The following TAX1BP1 variants were observed in gnomAD, a reference collection of about 807,000 sequenced individuals.
TAX1BP1 encodes tax1-binding protein 1.
TAX1BP1 carries 62 observed loss-of-function variants against 97.7 expected under a neutral mutation model. The observed-to-expected ratio is 0.63, with a 90% CI of 0.52 to 0.78. The LOEUF is 0.78. Ranked by LOEUF, TAX1BP1 falls within the 30% of genes least tolerant of loss-of-function variation. The pLI is 0.00. For missense variants in TAX1BP1, 867 were observed against 916.1 expected (o/e 0.95, Z 0.69); for synonymous variants, 340 against 304.2 (o/e 1.12, Z -1.23).
intron 2 of TAX1BP1, among the ~76,000 whole-genome samples, chr7:27,753,861 G>T (rs1233063538): frequency 6.6e-6 from 1 of 151,642 alleles, no homozygotes; most frequent in African/African-American, 2.4e-5. Context: ...TTGACCTTAG[G>T]TAACTAAAAC....
At chr7:27,788,254 A>G (rs1447496690) in intron 8 of TAX1BP1, among the ~76,000 whole-genome samples, 1 of 152,064 alleles carries the variant, frequency 6.6e-6, no homozygotes, top group Non-Finnish European at 1.5e-5. Flanking sequence ...TGTTGGAGTC[A>G]TATCAAAAGT....
intron 15 of TAX1BP1, among the ~76,000 whole-genome samples, chr7:27,822,546 T>C (rs1410749124): frequency 5.3e-5 from 6 of 113,382 alleles, no homozygotes; most frequent in Admixed American, 4.9e-4. Context: ...CACTTGTTAC[T>C]GTCTTTGTGA....
chr7:27,813,808 C>T (rs563424366), intron 13 of TAX1BP1, among the ~76,000 whole-genome samples: 1 of 152,160 alleles, frequency 6.6e-6, no homozygotes, highest in African/African-American at 2.4e-5. Flanking sequence ...TGTACAGTGG[C>T]CAATAGTCAC....
chr7:27,828,775 G>A lies in TAX1BP1; in HGVS notation c.2316G>A (p.Val772=), dbSNP rs756955998. 6.3e-7 allele frequency: 1 copy of A among 1,576,900 alleles called. No homozygotes were observed. The highest frequency in any genetic ancestry group is 1.1e-5 in the South Asian group (1 of 90,528). ...TCCCTCCTGACTATGACCAGCAGGT[G>A]TTTGAAAGGCATGTGCAGACCCATT... The part of the protein sequence containing the change: ...EQFPPDYDQQ[V]FERHVQTHFD... Residue 772 remains valine, a synonymous_variant, in exon 17 of 17, where the codon GTG becomes GTA. Transcript: ENST00000396319.
intron 13 of TAX1BP1, among the ~76,000 whole-genome samples, chr7:27,812,361 G>A (rs1398353006): frequency 3.3e-5 from 5 of 152,080 alleles, no homozygotes; most frequent in African/African-American, 1.2e-4. Context: ...CTTTGGTTGC[G>A]ACAGTTCTTT....
chr7:27,792,099 AGT>A lies in TAX1BP1; in HGVS notation c.1134_1135del (p.Ser378ArgfsTer29), dbSNP rs955983490. 6.2e-7 allele frequency: 1 copy of A among 1,614,004 alleles called. No homozygotes were observed. Among genetic ancestry groups the A allele is most frequent in the Non-Finnish European group, 8.5e-7 (1 of 1,180,038 alleles). On this transcript the variant is annotated frameshift_variant, in exon 9 of 17. Coordinates refer to ENST00000396319, the MANE Select transcript of TAX1BP1 (RefSeq NM_006024.7). LOFTEE classifies it high-confidence loss of function. ...QEVVFLAKEL[S>X]DAVNVRDRTM... ...AGTTGTCTTTCTGGCTAAAGAACTC[AGT>A]GATGCTGTCAACGTACGAGACAGAA...
chr7:27,783,243 CTA>C (rs1007002797), intron 5 of TAX1BP1, among the ~76,000 whole-genome samples: 7 of 152,186 alleles, frequency 4.6e-5, no homozygotes, highest in African/African-American at 1.4e-4. Flanking sequence ...TTACAAATGA[CTA>C]AAAGTGTTTT....
chr7:27,793,397 G>A (rs1330312404), intron 10 of TAX1BP1, among the ~76,000 whole-genome samples, 185 bp downstream of exon 10: 1 of 152,082 alleles, frequency 6.6e-6, no homozygotes, highest in Admixed American at 6.5e-5. Context: ...TTACTGGACA[G>A]CCAACAAAGG....
At chr7:27,791,948 T>A in intron 8 of TAX1BP1, 58 bp from the exon 9 acceptor site, 2 of 1,546,646 alleles carry the variant, frequency 1.3e-6, no homozygotes, top group Non-Finnish European at 1.8e-6. Flanking sequence ...AAATTGTTTC[T>A]GCTTCTGTTT....
chr7:27,811,868 A>G (rs1338611999), intron 13 of TAX1BP1, among the ~76,000 whole-genome samples: 1 of 152,216 alleles, frequency 6.6e-6, no homozygotes, highest in East Asian at 1.9e-4. Flanking sequence ...GAATTTATCC[A>G]TTCATTAGTT....
chr7:27,802,839 T>C (rs1290236273), intron 13 of TAX1BP1, among the ~76,000 whole-genome samples: 1 of 151,986 alleles, frequency 6.6e-6, no homozygotes, highest in Non-Finnish European at 1.5e-5. Context: ...TACTCATATT[T>C]GGACTGGGAA....
Position 27,828,833 on chromosome 7 carries a change from C to T in TAX1BP1, c.*4C>T, listed in dbSNP as rs747422200. 6 of 1,193,238 alleles carry T rather than the reference C, an allele frequency of 5.0e-6. No individual in the cohort carries two copies. Among genetic ancestry groups the T allele is most frequent in the Non-Finnish European group, 7.3e-6 (6 of 824,856 alleles). 73.9% of individuals were successfully genotyped at this position (1,193,238 alleles called of 1,614,324 possible). ...GAATGTTCTAAATTTTGACTAGTTA[C>T]TTTTTATTATGAGTTAATATAGTTT... On this transcript the variant is annotated 3_prime_UTR_variant, in exon 17 of 17. Transcript: ENST00000396319.
At chr7:27,822,766 G>A (rs540230525) in intron 15 of TAX1BP1, among the ~76,000 whole-genome samples, 24 of 152,254 alleles carry the variant, frequency 1.6e-4, no homozygotes, top group Non-Finnish European at 2.6e-4. Context: ...TTACGATGGT[G>A]CTCTTTGCAG....
At chr7:27,783,235 A>G (rs1789333462) in intron 5 of TAX1BP1, among the ~76,000 whole-genome samples, 1 of 152,220 alleles carries the variant, frequency 6.6e-6, no homozygotes, top group Admixed American at 6.5e-5. Context: ...GGCATGATTT[A>G]CAAATGACTA....
chr7:27,764,720 C>T (rs1196523555), intron 3 of TAX1BP1, among the ~76,000 whole-genome samples: 1 of 152,008 alleles, frequency 6.6e-6, no homozygotes, highest in East Asian at 1.9e-4. Flanking sequence ...TGGTGTTTGC[C>T]TAATGAAGTT....
intron 10 of TAX1BP1, 120 bp downstream of exon 10, chr7:27,793,332 A>C (rs949831947): frequency 2.5e-5 from 23 of 919,630 alleles, no homozygotes; most frequent in Non-Finnish European, 3.4e-5. Flanking sequence ...CTTGATTTCA[A>C]GTCATTGGCC....
chr7:27,791,982 A>G (rs772452684), intron 8 of TAX1BP1, 24 bp from the exon 9 acceptor site: 1 of 1,605,952 alleles, frequency 6.2e-7, no homozygotes, highest in Admixed American at 1.7e-5. Context: ...TTGAATTACA[A>G]ATATATTTAT....
At chr7:27,788,044 A>G (rs1187813281) in intron 8 of TAX1BP1, among the ~76,000 whole-genome samples, 4 of 151,872 alleles carry the variant, frequency 2.6e-5, no homozygotes, top group African/African-American at 9.7e-5. Context: ...CAAAGACTAC[A>G]TATTATTTTG....
chr7:27,772,711 G>A (rs1450879577), intron 5 of TAX1BP1, among the ~76,000 whole-genome samples: 1 of 152,022 alleles, frequency 6.6e-6, no homozygotes, highest in Non-Finnish European at 1.5e-5. Context: ...AATTGGATAT[G>A]TTGGGATTAT....
Sources: allele counts gnomAD v4.1 joint callset (sites outside exome capture counted in the v4.1 genomes callset), GRCh38; gene constraint gnomAD v4.1.1; transcripts MANE v1.5; gene names NCBI Gene and HGNC (gene_info 2026-07-23, HGNC 2026-07-21).